WDR62: variants seen among roughly 807,000 people sequenced by gnomAD.
WDR62 encodes the protein WD repeat domain 62, also known as WD repeat-containing protein 62.
In WDR62, 112 loss-of-function variants were observed where a neutral mutation model predicts 160.6. The ratio of observed to expected loss-of-function variants is 0.70; its 90% CI spans 0.60 to 0.82. The LOEUF is 0.82. Among genes scored for constraint, WDR62 ranks in the 40% least tolerant of loss-of-function variants. WDR62 has a pLI of 0.00. For missense variants in WDR62, 1,819 were observed against 1,983.8 expected (o/e 0.92, Z 1.58); for synonymous variants, 792 against 815.1 (o/e 0.97, Z 0.48).
chr19:36,103,536 CAG>C lies in WDR62; in HGVS notation c.3709_3710del (p.Ser1237Ter). On this transcript the variant is annotated frameshift_variant, in exon 30 of 32. Coordinates refer to ENST00000401500, the MANE Select transcript of WDR62 (RefSeq NM_001083961.2). LOFTEE classifies it high-confidence loss of function. ...TATCACGCAGCATCTCCCTCGGTGA[CAG>C]TGAGGGCCCTATCGTGGCCACACTG... ...RISRSISLGDSEGPIVATLAQ... is the reference protein window; with the variant it reads ...RISRSISLGDXEGPIVATLAQ... The C allele has an allele frequency of 1.9e-6, 3 of 1,614,108 alleles. No individual in the cohort carries two copies. The highest frequency in any genetic ancestry group is 2.5e-6 in the Non-Finnish European group (3 of 1,180,034).
chr19:36,062,457 C>T (rs1314882651), intron 3 of WDR62: 2 of 151,564 alleles, frequency 1.3e-5, no homozygotes, highest in East Asian at 1.9e-4. Flanking sequence ...TGAGACCAGC[C>T]TGGGGAACAT....
Position 36,104,839 on chromosome 19 carries a change from G to A in WDR62, c.4383G>A (p.Trp1461Ter), listed in dbSNP as rs375394865. 6.2e-7 allele frequency: 1 copy of A among 1,613,516 alleles called. No individual in the cohort carries two copies. The highest frequency in any genetic ancestry group is 8.5e-7 in the Non-Finnish European group (1 of 1,180,008). The change falls in exon 32 of 32, where the codon TGG becomes TGA. Residue 1461 changes from tryptophan (W) to a stop codon, truncating the protein, a stop_gained. Transcript: ENST00000401500. LOFTEE classifies it low-confidence loss of function (END_TRUNC). ...CTGAGCTGGTCTCCACCTTCCTGTG[G>A]ATCCACAGCCAGCTGGAGGCTGAAT... ...ARTELVSTFLWIHSQLEAECL... is the reference protein window; with the variant it reads ...ARTELVSTFL
chr19:36,073,551 C>T lies in WDR62; in HGVS notation c.1233+20C>T. The stretch of plus-strand genomic sequence containing the variant: ...GTGGAGGTGAGCCCCCCCCCCACCC[C>T]CTTGCCCCTGCTTGGCCTCTGCACA... On this transcript the variant is annotated intron_variant, in intron 9 of 31. Transcript: ENST00000401500. 1.9e-6 allele frequency: 3 copies of T among 1,565,220 alleles called. No homozygotes were observed. The highest frequency in any genetic ancestry group is 2.6e-6 in the Non-Finnish European group (3 of 1,144,994).
chr19:36,100,368 C>T (rs965900207), intron 22 of WDR62, among the ~76,000 whole-genome samples: 4 of 152,214 alleles, frequency 2.6e-5, no homozygotes, highest in East Asian at 1.9e-4. Flanking sequence ...GTGTAATTCA[C>T]GTGTGTCCAC....
chr19:36,094,737 T>A lies in WDR62; in HGVS notation c.2467+573T>A, dbSNP rs199703153. On this transcript the variant is annotated intron_variant, in intron 20 of 31. Coordinates refer to ENST00000401500, the MANE Select transcript of WDR62 (RefSeq NM_001083961.2). ...AGAGCCCATCTATGCAAAAAAAAAA[T>A]TTTTTAAAGAAATTAGCCAGGCATA... 3.3e-4 allele frequency among the ~76,000 whole-genome samples: 49 copies of A among 149,038 alleles called. No homozygotes were observed. In the East Asian group the frequency reaches 5.5e-3, roughly 17 times the overall value.
At chr19:36,085,910 T>C (rs2145740887) in intron 12 of WDR62, among the ~76,000 whole-genome samples, 1 of 152,202 alleles carries the variant, frequency 6.6e-6, no homozygotes, top group Non-Finnish European at 1.5e-5. Flanking sequence ...CTCAAACTCC[T>C]GACGTCAGGT....
At chr19:36,107,770 C>T (rs553004276), downstream of WDR62, among the ~76,000 whole-genome samples, 2 of 152,162 alleles carry the variant, frequency 1.3e-5, no homozygotes, top group Non-Finnish European at 2.9e-5. Context: ...TGCCACTTCC[C>T]TCTTCCAAAT....
chr19:36,102,606 C>G, intron 26 of WDR62, 131 bp from the exon 27 acceptor site: 1 of 742,192 alleles, frequency 1.3e-6, no homozygotes, highest in Non-Finnish European at 2.3e-6. Flanking sequence ...TCCTCACCCA[C>G]TGCCCCTGCT....
rs1298053710 is a variant in WDR62, at chr19:36,094,063, T to G, written c.2366T>G (p.Ile789Ser). 2 of 1,614,070 alleles carry G rather than the reference T, an allele frequency of 1.2e-6. No individual in the cohort carries two copies. Among genetic ancestry groups the G allele is most frequent in the Non-Finnish European group, 1.7e-6 (2 of 1,179,982 alleles). Residue 789 changes from isoleucine (I) to serine (S), a missense_variant, in exon 20 of 32, where the codon ATT (isoleucine) becomes AGT (serine). Around this residue, in one of 3 missense-constraint regions of WDR62, gnomAD observed 934 missense variants for 1,157.2 expected, o/e 0.81. Transcript: ENST00000401500. The stretch of plus-strand genomic sequence containing the variant: ...ACGTATGTGTCCACACCTAGTGAGA[T>G]TCACTCCCTGAGCCCTGGAGAGCAA... ...QDTYVSTPSE[I>S]HSLSPGEQTE...
At chr19:36,091,340 T>TGCCC in intron 17 of WDR62, 29 bp downstream of exon 17, 15 of 1,578,876 alleles carry the variant, frequency 9.5e-6, no homozygotes, top group East Asian at 2.3e-5. Context: ...TTGGGATGCC[T>TGCCC]CCCCACCCGC....
intron 8 of WDR62, 137 bp downstream of exon 8, chr19:36,071,853 C>T: frequency 8.0e-7 from 1 of 1,251,236 alleles, no homozygotes; most frequent in South Asian, 1.6e-5. Context: ...CTGGGCATTA[C>T]AAAGCAGAAA....
chr19:36,092,933 C>A, intron 19 of WDR62, 122 bp downstream of exon 19: 2 of 1,405,228 alleles, frequency 1.4e-6, no homozygotes, highest in Non-Finnish European at 2.0e-6. Flanking sequence ...ACACTCACAG[C>A]TGAGTAGGGG....
At position 36,083,125 on chromosome 19, in the gene WDR62, C is replaced by G. The variant is rs542178534; in HGVS notation, c.1434C>G (p.Phe478Leu). The G allele has an allele frequency of 1.6e-4, 263 of 1,613,756 alleles. 3 individuals carry two copies. The South Asian group carries it at 2.7e-3, about 16-fold the overall frequency. Reference protein sequence around the residue: ...DIQHLQDMSHFPDRGSENGTP... With the variant: ...DIQHLQDMSHLPDRGSENGTP... ...AGCACCTGCAGGACATGTCACACTT[C>G]CCAGACCGGGGGAGCGAGAATGGGA... is the stretch of plus-strand genomic sequence containing the variant. Residue 478 changes from phenylalanine to leucine, a missense_variant, in exon 11 of 32, where the codon TTC becomes TTG. Transcript: ENST00000401500.
intron 21 of WDR62, among the ~76,000 whole-genome samples, chr19:36,097,861 C>G (rs796468634): frequency 9.5e-4 from 144 of 152,006 alleles, no homozygotes; most frequent in African/African-American, 3.5e-3. Flanking sequence ...GCATGAGCAA[C>G]AGAGCCAACA....
At chr19:36,060,241 G>A in intron 3 of WDR62, 1 of 609,902 alleles carries the variant, frequency 1.6e-6, no homozygotes, top group South Asian at 1.9e-5. Context: ...GCTAGAGCGA[G>A]ACAGACTGTA....
intron 7 of WDR62, among the ~76,000 whole-genome samples, chr19:36,070,010 G>A (rs953922353): frequency 8.8e-6 from 1 of 113,072 alleles, no homozygotes; most frequent in Non-Finnish European, 1.9e-5. Flanking sequence ...GAGGGAGACC[G>A]TGGGGAGAGG....
At chr19:36,065,314 G>A (rs1970876494) in intron 3 of WDR62, among the ~76,000 whole-genome samples, 1 of 152,182 alleles carries the variant, frequency 6.6e-6, no homozygotes, top group African/African-American at 2.4e-5. Flanking sequence ...CTCACGTAGG[G>A]AGACAATTAT....
chr19:36,108,864 A>C (rs7252921), downstream of WDR62, among the ~76,000 whole-genome samples: 29 of 146,748 alleles, frequency 2.0e-4, no homozygotes, highest in East Asian at 4.1e-4. Flanking sequence ...AAAAAAAAAA[A>C]AAAAAAAAAA....
At chr19:36,083,479 A>G (rs917742120) in intron 11 of WDR62, among the ~76,000 whole-genome samples, 1 of 152,210 alleles carries the variant, frequency 6.6e-6, no homozygotes, top group African/African-American at 2.4e-5. Context: ...GATTTTGCCT[A>G]TAGAGTGTAC....
Sources: allele counts gnomAD v4.1 joint callset (sites outside exome capture counted in the v4.1 genomes callset), GRCh38; gene constraint gnomAD v4.1.1; regional missense constraint gnomAD v4.1.1; transcripts MANE v1.5; gene names NCBI Gene and HGNC (gene_info 2026-07-23, HGNC 2026-07-21).